CSMD3: variants seen among roughly 807,000 people sequenced by gnomAD.
The protein encoded by CSMD3 is CUB and sushi domain-containing protein 3.
In CSMD3, 177 loss-of-function variants were observed where a neutral mutation model predicts 435.2. The ratio of observed to expected loss-of-function variants is 0.41; its 90% CI spans 0.36 to 0.46. CSMD3 has a LOEUF of 0.46. Ranked by LOEUF, CSMD3 falls within the 20% of genes least tolerant of loss-of-function variation. CSMD3 has a pLI of 0.34. For synonymous variants in CSMD3, 1,656 were observed against 1,520.5 expected (o/e 1.09, Z -2.07); for missense variants, 4,265 against 4,504.6 (o/e 0.95, Z 1.52).
intron 38 of CSMD3, among the ~76,000 whole-genome samples, chr8:112,372,468 G>A (rs1056840511): frequency 6.6e-5 from 10 of 152,150 alleles, no homozygotes. Context: ...AATTGATAGT[G>A]ATAATAGTAT....
intron 13 of CSMD3, among the ~76,000 whole-genome samples, chr8:112,734,899 T>G (rs2132029408): frequency 6.6e-6 from 1 of 152,144 alleles, no homozygotes; most frequent in Middle Eastern, 3.4e-3. Flanking sequence ...CTCATTTTTC[T>G]GTACTTTTTA....
chr8:113,361,240 T>G (rs1031411184), intron 1 of CSMD3, among the ~76,000 whole-genome samples: 1 of 152,166 alleles, frequency 6.6e-6, no homozygotes, highest in African/African-American at 2.4e-5. Context: ...AGCACTGATG[T>G]TACACTTTTG....
At chr8:112,841,964 T>A (rs927173397) in intron 11 of CSMD3, among the ~76,000 whole-genome samples, 6 of 151,818 alleles carry the variant, frequency 4.0e-5, no homozygotes, top group Non-Finnish European at 8.8e-5. Context: ...ATTATGTGAT[T>A]CTTGCTGTGT....
chr8:112,568,604 G>T (rs965926378), intron 24 of CSMD3, among the ~76,000 whole-genome samples: 5 of 151,830 alleles, frequency 3.3e-5, no homozygotes, highest in African/African-American at 9.7e-5. Flanking sequence ...AAAGAAAAAG[G>T]AATGGGATAT....
At chr8:112,368,873 A>T (rs79021057) in intron 38 of CSMD3, among the ~76,000 whole-genome samples, 30,968 of 152,072 alleles carry the variant, frequency 0.2, 3,677 homozygotes, top group East Asian at 0.39. Context: ...ACAGTAATTT[A>T]AAAAAATAAA....
At chr8:112,926,350 T>C (rs1300018238) in intron 9 of CSMD3, among the ~76,000 whole-genome samples, 1 of 151,974 alleles carries the variant, frequency 6.6e-6, no homozygotes, top group Non-Finnish European at 1.5e-5. Context: ...TCCACTGAAA[T>C]TCATCTGTCA....
chr8:112,513,670 T>G (rs2130967568), intron 28 of CSMD3, among the ~76,000 whole-genome samples: 1 of 152,276 alleles, frequency 6.6e-6, no homozygotes, highest in South Asian at 2.1e-4. Flanking sequence ...TGGCACAGGG[T>G]TGACAAAAAC....
chr8:113,274,759 CTAA>C (rs1302546290), intron 3 of CSMD3, among the ~76,000 whole-genome samples: 1 of 150,682 alleles, frequency 6.6e-6, no homozygotes, highest in Non-Finnish European at 1.5e-5. Flanking sequence ...CTTTACTCAC[CTAA>C]TAATGATTTT....
At chr8:112,503,694 A>G in intron 30 of CSMD3, 96 bp downstream of exon 30, 1 of 819,396 alleles carries the variant, frequency 1.2e-6, no homozygotes, top group Non-Finnish European at 1.9e-6. Flanking sequence ...AATACACATA[A>G]AACTAACCAC....
intron 32 of CSMD3, among the ~76,000 whole-genome samples, chr8:112,455,766 GA>G (rs1198129910): frequency 1.3e-5 from 2 of 151,526 alleles, no homozygotes; most frequent in Non-Finnish European, 2.9e-5. Context: ...CAGTTTCACA[GA>G]GCTTCACATA....
rs149968468 is a variant in CSMD3, at chr8:112,825,826, C to A, written c.1859+3860G>T. On this transcript the variant is annotated intron_variant, in intron 12 of 70. Coordinates refer to ENST00000297405, the MANE Select transcript of CSMD3 (RefSeq NM_198123.2). ...TTACCAAGTTGAGTGGCATAGGGAA[C>A]AGTTCCTGTTTAATGAAGCACTTTG... Among the ~76,000 whole-genome samples, 177 of 152,278 alleles carry A rather than the reference C, an allele frequency of 1.2e-3. 1 individual carries two copies. Among genetic ancestry groups the A allele is most frequent in the Middle Eastern group, 0.01 (3 of 294 alleles).
At chr8:112,815,105 AG>A (rs2079336789) in intron 12 of CSMD3, among the ~76,000 whole-genome samples, 2 of 152,142 alleles carry the variant, frequency 1.3e-5, no homozygotes, top group South Asian at 4.1e-4. Context: ...AAAAAAAAAA[AG>A]AAAAAACCCT....
chr8:113,363,987 C>T (rs1408732538), intron 1 of CSMD3, among the ~76,000 whole-genome samples: 1 of 152,050 alleles, frequency 6.6e-6, no homozygotes, highest in Non-Finnish European at 1.5e-5. Flanking sequence ...TTCTAGAAGT[C>T]TTACAGATTT....
chr8:112,264,152 C>A (rs1199510546), intron 60 of CSMD3, among the ~76,000 whole-genome samples: 1 of 151,984 alleles, frequency 6.6e-6, no homozygotes, highest in Non-Finnish European at 1.5e-5. Context: ...AAATTATTTT[C>A]CAATGACCTT....
intron 38 of CSMD3, among the ~76,000 whole-genome samples, chr8:112,378,508 G>C (rs773324167): frequency 5.9e-5 from 9 of 152,138 alleles, no homozygotes; most frequent in Non-Finnish European, 1.2e-4. Context: ...CCTGTTACTT[G>C]CAGCAACATG....
intron 7 of CSMD3, among the ~76,000 whole-genome samples, chr8:112,965,833 C>T (rs530267587): frequency 3.3e-5 from 5 of 151,944 alleles, no homozygotes; most frequent in African/African-American, 1.2e-4. Flanking sequence ...AATGTATTTA[C>T]TGTCATGAAT....
chr8:112,529,565 A>G (rs1586609127), intron 27 of CSMD3, among the ~76,000 whole-genome samples: 1 of 152,050 alleles, frequency 6.6e-6, no homozygotes, highest in Non-Finnish European at 1.5e-5. Flanking sequence ...TCCAGCCTGG[A>G]TGACAGAGCA....
At chr8:112,667,609 G>C (rs2075556899) in intron 16 of CSMD3, among the ~76,000 whole-genome samples, 1 of 151,840 alleles carries the variant, frequency 6.6e-6, no homozygotes, top group South Asian at 2.1e-4. Flanking sequence ...AAGGCTCTGT[G>C]GGATCTAGCT....
intron 10 of CSMD3, among the ~76,000 whole-genome samples, chr8:112,874,212 T>C (rs779024883): frequency 6.6e-6 from 1 of 152,230 alleles, no homozygotes; most frequent in East Asian, 1.9e-4. Context: ...CATGTAGTTG[T>C]GCAGTTTTGA....
Sources: gnomAD v4.1 joint callset for allele counts (sites outside exome capture counted in the v4.1 genomes callset) on GRCh38, gnomAD v4.1.1 for gene constraint, MANE v1.5 for transcripts, NCBI Gene and HGNC (gene_info 2026-07-23, HGNC 2026-07-21) for gene names.